The following PGM5 variants were observed in gnomAD, a reference collection of about 807,000 sequenced individuals.
The protein encoded by PGM5 is phosphoglucomutase 5.
Under a neutral mutation model 59.2 loss-of-function variants are expected in PGM5, and 23 were observed. The observed-to-expected ratio is 0.39, with a 90% CI of 0.28 to 0.55. The LOEUF is 0.55. Ranked by LOEUF, PGM5 falls within the 20% of genes least tolerant of loss-of-function variation. PGM5 has a pLI of 0.66. For missense variants in PGM5, 574 were observed against 748.3 expected, an observed-to-expected ratio of 0.77 and a Z score of 2.72; for synonymous variants, 214 against 286.0, an observed-to-expected ratio of 0.75 and a Z score of 2.54.
At position 68,530,083 on chromosome 9, in the gene PGM5, C is replaced by T. The variant is rs1825057022; in HGVS notation, c.*427C>T. On this transcript the variant is annotated 3_prime_UTR_variant, in exon 11 of 11. Coordinates refer to ENST00000396396, the MANE Select transcript of PGM5 (RefSeq NM_021965.4). The stretch of plus-strand genomic sequence containing the variant: ...CCCTGGGCAGGCAGAAGGAGACACT[C>T]CCAGCATGGAGGAGGGTTTATCTTT... 1.3e-5 allele frequency: 2 copies of T among 158,952 alleles called. No individual in the cohort carries two copies. The highest frequency in any genetic ancestry group is 2.7e-5 in the Non-Finnish European group (2 of 72,776). The allele number at this position is 158,952 out of a possible 1,614,324, so 9.8% of individuals were successfully genotyped here. A position where few individuals can be genotyped will look rare whatever the true frequency, so the allele number is the denominator to read the frequency against.
chr9:68,383,740 TAAAAA>T (rs61055122), intron 2 of PGM5, among the ~76,000 whole-genome samples: 56 of 106,268 alleles, frequency 5.3e-4, no homozygotes, highest in African/African-American at 8.1e-4. Flanking sequence ...ATATACAAGG[TAAAAA>T]AAAAAAAAAA....
At chr9:68,518,755 G>T (rs551245655) in intron 10 of PGM5, among the ~76,000 whole-genome samples, 3 of 152,324 alleles carry the variant, frequency 2.0e-5, no homozygotes, top group Admixed American at 6.5e-5. Context: ...GAAGATGAAA[G>T]ATCATATTCG....
chr9:68,439,811 C>T (rs1381396490), intron 6 of PGM5, among the ~76,000 whole-genome samples: 1 of 151,472 alleles, frequency 6.6e-6, no homozygotes, highest in Non-Finnish European at 1.5e-5. Flanking sequence ...CAAAAAGAGT[C>T]CCAGGGAAGC....
At chr9:68,437,000 C>G (rs1456518087) in intron 6 of PGM5, among the ~76,000 whole-genome samples, 1 of 152,208 alleles carries the variant, frequency 6.6e-6, no homozygotes, top group Non-Finnish European at 1.5e-5. Flanking sequence ...AATTTCTTCA[C>G]TAAAATTTAA....
At chr9:68,383,980 TCTC>T (rs1248824702) in intron 2 of PGM5, among the ~76,000 whole-genome samples, 27 of 152,024 alleles carry the variant, frequency 1.8e-4, no homozygotes, top group Admixed American at 1.7e-3. Flanking sequence ...GAAAGCATAG[TCTC>T]CTCTTCTAGA....
chr9:68,382,045 T>G (rs2265270), intron 2 of PGM5, among the ~76,000 whole-genome samples: 1 of 151,686 alleles, frequency 6.6e-6, no homozygotes, highest in Non-Finnish European at 1.5e-5. Context: ...TAAAATTTGT[T>G]TGGAGCCCCC....
At chr9:68,386,479 A>T (rs1304312917) in intron 3 of PGM5, among the ~76,000 whole-genome samples, 2 of 152,228 alleles carry the variant, frequency 1.3e-5, no homozygotes, top group Admixed American at 1.3e-4. Flanking sequence ...GAATAATATT[A>T]TATGGCATAT....
chr9:68,427,727 T>C (rs1230959770), intron 6 of PGM5, among the ~76,000 whole-genome samples: 1 of 152,242 alleles, frequency 6.6e-6, no homozygotes, highest in African/African-American at 2.4e-5. Flanking sequence ...CCTCAGACTC[T>C]GGGCTGTCTT....
chr9:68,483,826 T>G, intron 8 of PGM5, 39 bp from the exon 9 acceptor site: 1 of 1,595,580 alleles, frequency 6.3e-7, no homozygotes, highest in South Asian at 1.1e-5. Context: ...AGTTGCTGGT[T>G]CTCTGATTAG....
chr9:68,444,951 G>T (rs543654582), intron 6 of PGM5, among the ~76,000 whole-genome samples: 1 of 152,250 alleles, frequency 6.6e-6, no homozygotes, highest in Admixed American at 6.5e-5. Flanking sequence ...CTGGCATTAC[G>T]ACCCCAGGGC....
intron 6 of PGM5, among the ~76,000 whole-genome samples, chr9:68,421,884 G>A (rs187565903): frequency 2.0e-5 from 3 of 151,454 alleles, no homozygotes; most frequent in Admixed American, 1.3e-4. Flanking sequence ...ACTTTATACT[G>A]TTTATAAGAG....
At chr9:68,433,192 T>C (rs912896180) in intron 6 of PGM5, among the ~76,000 whole-genome samples, 3 of 152,234 alleles carry the variant, frequency 2.0e-5, no homozygotes, top group Non-Finnish European at 2.9e-5. Context: ...AAAAACCCTT[T>C]GTCCCAAAAG....
intron 10 of PGM5, among the ~76,000 whole-genome samples, chr9:68,501,727 C>T (rs1212499819): frequency 6.6e-6 from 1 of 151,842 alleles, no homozygotes; most frequent in Non-Finnish European, 1.5e-5. Context: ...GTTTTACCCA[C>T]TCTAACCCAA....
chr9:68,433,540 GC>G (rs1823391428), intron 6 of PGM5, among the ~76,000 whole-genome samples: 1 of 152,176 alleles, frequency 6.6e-6, no homozygotes, highest in Non-Finnish European at 1.5e-5. Context: ...TTTTTTGAAA[GC>G]TGAGAGCCAC....
chr9:68,495,987 CA>C (rs1439020027), intron 9 of PGM5, among the ~76,000 whole-genome samples: 7 of 152,276 alleles, frequency 4.6e-5, no homozygotes, highest in Admixed American at 3.9e-4. Flanking sequence ...GCCACTGCAG[CA>C]CAAAAGCAGC....
At chr9:68,419,068 T>TA (rs1306991752) in intron 6 of PGM5, among the ~76,000 whole-genome samples, 54 of 152,306 alleles carry the variant, frequency 3.5e-4, no homozygotes, top group African/African-American at 1.2e-3. Flanking sequence ...ACCTCTGCTT[T>TA]AAAATCTCAA....
At chr9:68,391,441 G>A in intron 4 of PGM5, 93 bp from the exon 5 acceptor site, 4 of 926,006 alleles carry the variant, frequency 4.3e-6, no homozygotes, top group East Asian at 2.5e-5. Flanking sequence ...TTTCTTCTGG[G>A]TTATTAAATG....
chr9:68,464,999 G>A (rs1163061255), intron 6 of PGM5, 94 bp from the exon 7 acceptor site: 1 of 709,628 alleles, frequency 1.4e-6, no homozygotes, highest in Non-Finnish European at 2.4e-6. Context: ...TCTAGCTATG[G>A]ATTTAGTAGA....
At chr9:68,493,355 C>A (rs1824430938) in intron 9 of PGM5, among the ~76,000 whole-genome samples, 2 of 152,168 alleles carry the variant, frequency 1.3e-5, no homozygotes, top group African/African-American at 4.8e-5. Flanking sequence ...GGCTCTGTGT[C>A]AGCTTTGGGA....
Sources: gnomAD v4.1 joint callset for allele counts (sites outside exome capture counted in the v4.1 genomes callset) on GRCh38, gnomAD v4.1.1 for gene constraint, MANE v1.5 for transcripts, NCBI Gene and HGNC (gene_info 2026-07-23, HGNC 2026-07-21) for gene names.